SYNE1: variants seen among roughly 807,000 people sequenced by gnomAD.
The protein encoded by SYNE1 is nesprin-1.
A neutral mutation model predicts 1,111.0 loss-of-function variants in SYNE1; 616 were observed. That is an observed-to-expected ratio of 0.55 (90% CI 0.52 to 0.59). The LOEUF is 0.59. Ranked by LOEUF, SYNE1 falls within the 20% of genes least tolerant of loss-of-function variation. The pLI is 0.00. For synonymous variants in SYNE1, 3,855 were observed against 3,825.8 expected (o/e 1.01, Z -0.28); for missense variants, 10,006 against 10,417.0 (o/e 0.96, Z 1.72).
At chr6:152,444,249 AGCAAAACCCAGAAGC>A (rs1355979398) in intron 30 of SYNE1, among the ~76,000 whole-genome samples, 147 bp downstream of exon 30, 2 of 152,236 alleles carry the variant, frequency 1.3e-5, no homozygotes, top group Admixed American at 1.3e-4. Flanking sequence ...TAACAGAGAA[AGCAAAACCCAGAAGC>A]GCCAAATTCT....
At chr6:152,611,973 G>A (rs900070836) in intron 3 of SYNE1, among the ~76,000 whole-genome samples, 1 of 151,850 alleles carries the variant, frequency 6.6e-6, no homozygotes, top group Non-Finnish European at 1.5e-5. Flanking sequence ...CAGCATACCA[G>A]AATCTCTGGG....
At chr6:152,549,208 A>G (rs1347251381) in intron 3 of SYNE1, among the ~76,000 whole-genome samples, 1 of 152,186 alleles carries the variant, frequency 6.6e-6, no homozygotes, top group Non-Finnish European at 1.5e-5. Flanking sequence ...TACATACTTG[A>G]TACAAATTCC....
At chr6:152,202,726 C>T (rs1187186703) in intron 126 of SYNE1, among the ~76,000 whole-genome samples, 1 of 151,940 alleles carries the variant, frequency 6.6e-6, no homozygotes, top group African/African-American at 2.4e-5. Context: ...TAACCCCATC[C>T]ATAACTACAC....
At chr6:152,215,366 ATATATTATTTACTTTATTTACACGTAT>A (rs1231163361) in intron 121 of SYNE1, among the ~76,000 whole-genome samples, 69 of 152,306 alleles carry the variant, frequency 4.5e-4, no homozygotes, top group Non-Finnish European at 7.5e-4. Context: ...ATACATACAA[ATATATTATTTACTTTATTTACACGTAT>A]TATATTATTT....
intron 6 of SYNE1, chr6:152,511,589 G>A (rs138340371): frequency 2.5e-6 from 4 of 1,612,316 alleles, no homozygotes; most frequent in African/African-American, 1.3e-5. Context: ...CTCTGTGCAT[G>A]GACTGACATG....
At chr6:152,415,855 C>G in intron 41 of SYNE1, among the ~76,000 whole-genome samples, 1 of 138,570 alleles carries the variant, frequency 7.2e-6, no homozygotes, top group Admixed American at 7.1e-5. Context: ...TACTATCAAC[C>G]AAAAAGTATC....
intron 34 of SYNE1, among the ~76,000 whole-genome samples, chr6:152,432,641 T>C (rs1303502996): frequency 6.6e-6 from 1 of 152,200 alleles, no homozygotes; most frequent in Non-Finnish European, 1.5e-5. Flanking sequence ...GTGGAAATAA[T>C]AGTAAATGAA....
In SYNE1 at chr6:152,164,398, A is replaced by G. The variant is rs2063191596; in HGVS notation, c.23628-73T>C. On this transcript the variant is annotated intron_variant, in intron 130 of 145. Coordinates refer to ENST00000367255, the MANE Select transcript of SYNE1 (RefSeq NM_182961.4). Reference sequence around the variant, plus strand: ...CATGTTTCTCTAGCGTGCAGAGGAGAACACTGGGCTTTAACAATCTTTTTA... The same window carrying G: ...CATGTTTCTCTAGCGTGCAGAGGAGGACACTGGGCTTTAACAATCTTTTTA... 4 of 1,559,124 alleles carry G rather than the reference A, an allele frequency of 2.6e-6. No homozygotes were observed. The East Asian group carries it at 9.0e-5, about 35-fold the overall frequency.
chr6:152,632,875 TC>T (rs541013711), intron 2 of SYNE1, among the ~76,000 whole-genome samples: 67 of 152,276 alleles, frequency 4.4e-4, no homozygotes, highest in African/African-American at 1.5e-3. Context: ...CCATTTTCCT[TC>T]CCCTGTTCCC....
At chr6:152,346,277 C>G (rs1247437828) in intron 73 of SYNE1, among the ~76,000 whole-genome samples, 2 of 152,052 alleles carry the variant, frequency 1.3e-5, no homozygotes, top group Admixed American at 1.3e-4. Flanking sequence ...AGCGATTCTG[C>G]TGCCTCAGCC....
chr6:152,289,666 G>A (rs954904251), intron 95 of SYNE1, among the ~76,000 whole-genome samples: 32 of 152,074 alleles, frequency 2.1e-4, no homozygotes, highest in East Asian at 3.9e-4. Flanking sequence ...TCGCTCTGTC[G>A]CTCAGGCTGG....
At chr6:152,509,248 C>CTTT (rs11305679) in intron 8 of SYNE1, among the ~76,000 whole-genome samples, 1 of 75,794 alleles carries the variant, frequency 1.3e-5, no homozygotes, top group Non-Finnish European at 2.6e-5. Context: ...TTTTCTTTTT[C>CTTT]TTTTTTTTTT....
rs1394310762 is a variant in SYNE1, at chr6:152,180,842, C to T, written c.23302-548G>A. On this transcript the variant is annotated intron_variant, in intron 128 of 145. Coordinates refer to ENST00000367255, the MANE Select transcript of SYNE1 (RefSeq NM_182961.4). Reference sequence around the variant, plus strand: ...TGAAATGGAGGCAGGTGCCCCAAGGCTCAGCTCCATACTGACACGTGGACT... The same window carrying T: ...TGAAATGGAGGCAGGTGCCCCAAGGTTCAGCTCCATACTGACACGTGGACT... Among the ~76,000 whole-genome samples the T allele has an allele frequency of 2.0e-5, 3 of 152,148 alleles. No homozygotes were observed. In the East Asian group the frequency reaches 5.8e-4, roughly 29 times the overall value.
intron 59 of SYNE1, among the ~76,000 whole-genome samples, chr6:152,371,895 A>AAGGACAGGAC (rs2097192765): frequency 2.7e-5 from 3 of 111,448 alleles, no homozygotes; most frequent in Admixed American, 8.7e-5. Context: ...AAGGAAAGGA[A>AAGGACAGGAC]AGGAAAGGAA....
intron 141 of SYNE1, 66 bp downstream of exon 141, chr6:152,136,552 G>A: frequency 1.9e-6 from 3 of 1,589,728 alleles, no homozygotes; most frequent in South Asian, 2.2e-5. Context: ...GATACATCAA[G>A]TCACACACTC....
At chr6:152,359,625 C>T (rs1042063025) in intron 64 of SYNE1, among the ~76,000 whole-genome samples, 167 bp from the exon 65 acceptor site, 5 of 141,970 alleles carry the variant, frequency 3.5e-5, no homozygotes, top group Non-Finnish European at 6.1e-5. Context: ...TGTGTGAATG[C>T]ATGGGTGTGT....
At chr6:152,291,673 T>C (rs932284931) in intron 95 of SYNE1, among the ~76,000 whole-genome samples, 6 of 152,148 alleles carry the variant, frequency 3.9e-5, no homozygotes, top group African/African-American at 1.4e-4. Flanking sequence ...CCTGTTTTCA[T>C]GCAGCTCCTA....
rs182656195 is a variant in SYNE1, at chr6:152,620,734, G to A, written c.67+7531C>T. On this transcript the variant is annotated intron_variant, in intron 3 of 145. Transcript: ENST00000367255. ...ACTTGTCAAAAATAACCTCTATTCC[G>A]GCCTCCCAGCTTCCCCCATTGAAAA... is the stretch of plus-strand genomic sequence containing the variant. Among the ~76,000 whole-genome samples, 31 of 151,846 alleles carry A rather than the reference G, an allele frequency of 2.0e-4. No individual in the cohort carries two copies. In the South Asian group the frequency reaches 4.4e-3, roughly 22 times the overall value.
chr6:152,523,846 C>T (rs2099151842), intron 5 of SYNE1, among the ~76,000 whole-genome samples: 1 of 151,992 alleles, frequency 6.6e-6, no homozygotes, highest in South Asian at 2.1e-4. Flanking sequence ...ATATTATTCT[C>T]GGCTTGGTGG....
Sources: gnomAD v4.1 joint callset for allele counts (sites outside exome capture counted in the v4.1 genomes callset) on GRCh38, gnomAD v4.1.1 for gene constraint, MANE v1.5 for transcripts, NCBI Gene and HGNC (gene_info 2026-07-23, HGNC 2026-07-21) for gene names.